The following ASCC3 variants were observed in gnomAD, a reference collection of about 807,000 sequenced individuals.
The protein encoded by ASCC3 is activating signal cointegrator 1 complex subunit 3, also known as ASC-1 complex subunit P200.
Under a neutral mutation model 256.3 loss-of-function variants are expected in ASCC3, and 158 were observed. That is an observed-to-expected ratio of 0.62 (90% CI 0.54 to 0.70). The LOEUF (loss-of-function observed/expected upper bound fraction) is 0.70, where lower values mean the gene tolerates loss of function less well. ASCC3 is among the 30% of genes least tolerant of loss of function. The probability of loss-of-function intolerance (pLI) is 0.00; values close to 1 mark genes in which losing one functional copy is unlikely to be tolerated. For missense variants in ASCC3, 2,259 were observed against 2,626.0 expected (o/e 0.86, Z 3.05); for synonymous variants, 948 against 883.4 (o/e 1.07, Z -1.30).
At chr6:100,868,664 G>T (rs72951125) in intron 1 of ASCC3, among the ~76,000 whole-genome samples, 137 of 152,304 alleles carry the variant, frequency 9.0e-4, no homozygotes, top group African/African-American at 2.6e-3. Context: ...ATGACAGAAA[G>T]ATCTCTATTT....
At chr6:100,853,081 G>C (rs1023290466) in intron 3 of ASCC3, among the ~76,000 whole-genome samples, 1 of 151,648 alleles carries the variant, frequency 6.6e-6, no homozygotes, top group Non-Finnish European at 1.5e-5. Flanking sequence ...CTGGCTGACT[G>C]GTGCGCTTTT....
chr6:100,805,842 A>G lies in ASCC3; in HGVS notation c.840T>C (p.Ile280=). The change falls in exon 5 of 42, where the codon ATT becomes ATC. Residue 280 remains isoleucine, a synonymous_variant. Coordinates refer to ENST00000369162, the MANE Select transcript of ASCC3 (RefSeq NM_006828.4). ...TAATTCTGTTCTGGAGGAGTTTCTCAATAAGTTCAAGTCCTTCAGGTCCCA... is the reference window on the plus strand; with the variant it reads ...TAATTCTGTTCTGGAGGAGTTTCTCGATAAGTTCAAGTCCTTCAGGTCCCA... ...ELLGPEGLEL[I]EKLLQNRITI... The G allele has an allele frequency of 6.2e-7, 1 of 1,611,594 alleles. No homozygotes were observed. Among genetic ancestry groups the G allele is most frequent in the Admixed American group, 1.7e-5 (1 of 59,766 alleles).
intron 10 of ASCC3, among the ~76,000 whole-genome samples, chr6:100,733,817 G>A (rs1273777180): frequency 6.6e-6 from 1 of 152,152 alleles, no homozygotes. Flanking sequence ...AGTTTGTAAA[G>A]CATTCAAATC....
At chr6:100,628,076 C>G in intron 27 of ASCC3, 89 bp from the exon 28 acceptor site, 1 of 1,285,080 alleles carries the variant, frequency 7.8e-7, no homozygotes, top group Non-Finnish European at 1.1e-6. Context: ...TTGTAGCTTC[C>G]TCAAAAAACA....
chr6:100,733,186 T>G (rs924310669), intron 10 of ASCC3, among the ~76,000 whole-genome samples: 2 of 152,142 alleles, frequency 1.3e-5, no homozygotes, highest in Admixed American at 6.5e-5. Context: ...AAAGAGAACC[T>G]CAATAAAAGT....
At chr6:100,869,268 G>A (rs1222788464) in intron 1 of ASCC3, among the ~76,000 whole-genome samples, 6 of 152,168 alleles carry the variant, frequency 3.9e-5, no homozygotes, top group Admixed American at 6.5e-5. Flanking sequence ...AATGTCCAAC[G>A]TGGGAAGGAA....
At chr6:100,782,522 T>TCG in intron 8 of ASCC3, among the ~76,000 whole-genome samples, 1 of 152,320 alleles carries the variant, frequency 6.6e-6, no homozygotes, top group Non-Finnish European at 1.5e-5. Flanking sequence ...CCTATTACCT[T>TCG]CGGCCTATCT....
chr6:100,686,438 C>CA (rs995756319), intron 13 of ASCC3, among the ~76,000 whole-genome samples: 6 of 152,138 alleles, frequency 3.9e-5, no homozygotes, highest in Non-Finnish European at 8.8e-5. Context: ...TAAACAACTA[C>CA]AAATTCACAA....
chr6:100,559,711 G>A (rs754247949), intron 36 of ASCC3, among the ~76,000 whole-genome samples: 1 of 151,932 alleles, frequency 6.6e-6, no homozygotes, highest in East Asian at 1.9e-4. Flanking sequence ...CTATCTGGAC[G>A]TGGTGGTGCC....
intron 4 of ASCC3, among the ~76,000 whole-genome samples, chr6:100,831,369 T>C (rs1379656624): frequency 6.6e-6 from 1 of 150,638 alleles, no homozygotes; most frequent in African/African-American, 2.4e-5. Flanking sequence ...ACACTTGAAC[T>C]TAAAAATAAG....
intron 25 of ASCC3, among the ~76,000 whole-genome samples, chr6:100,632,361 G>A (rs1774598754): frequency 6.6e-6 from 1 of 151,852 alleles, no homozygotes; most frequent in African/African-American, 2.4e-5. Context: ...ATCATGGACT[G>A]GAATAATTAA....
chr6:100,858,583 ATTACT>A (rs1375244388), intron 3 of ASCC3: 1 of 985,844 alleles, frequency 1.0e-6, no homozygotes, highest in Non-Finnish European at 1.2e-6. Context: ...TTAAACCTTT[ATTACT>A]TTACAACAAA....
At chr6:100,750,783 CAGGTAAAATCTGTAGTACAGATTTTAGT>C (rs1048407440) in intron 10 of ASCC3, among the ~76,000 whole-genome samples, 13 of 151,936 alleles carry the variant, frequency 8.6e-5, no homozygotes, top group African/African-American at 3.1e-4. Context: ...CAGCATGCCA[CAGGTAAAATCTGTAGTACAGATTTTAGT>C]AGGTAAAACC....
intron 4 of ASCC3, among the ~76,000 whole-genome samples, chr6:100,838,463 G>A (rs1032353593): frequency 1.3e-5 from 2 of 151,980 alleles, no homozygotes; most frequent in Non-Finnish European, 2.9e-5. Flanking sequence ...AAATGACCAT[G>A]AAAATTATGA....
intron 1 of ASCC3, among the ~76,000 whole-genome samples, chr6:100,875,590 G>A (rs566632267): frequency 9.9e-5 from 15 of 152,222 alleles, no homozygotes; most frequent in Non-Finnish European, 1.8e-4. Flanking sequence ...AAAGCTGCAT[G>A]AATGCCCATT....
At chr6:100,733,806 G>A (rs1433053883) in intron 10 of ASCC3, among the ~76,000 whole-genome samples, 1 of 152,138 alleles carries the variant, frequency 6.6e-6, no homozygotes, top group Non-Finnish European at 1.5e-5. Context: ...GAAAATGCAT[G>A]AGTTTGTAAA....
intron 30 of ASCC3, among the ~76,000 whole-genome samples, chr6:100,615,191 T>C (rs528486920): frequency 2.6e-5 from 4 of 152,224 alleles, no homozygotes; most frequent in African/African-American, 4.8e-5. Context: ...CAGGCTTGTC[T>C]TGAAATCCTG....
At chr6:100,581,557 TC>T (rs1256216656) in intron 36 of ASCC3, among the ~76,000 whole-genome samples, 1 of 150,794 alleles carries the variant, frequency 6.6e-6, no homozygotes, top group Non-Finnish European at 1.5e-5. Flanking sequence ...GATGGTAGTT[TC>T]TTTTGCTGTG....
intron 13 of ASCC3, among the ~76,000 whole-genome samples, chr6:100,712,414 C>T (rs1204195960): frequency 1.3e-5 from 2 of 151,960 alleles, no homozygotes; most frequent in Admixed American, 6.6e-5. Flanking sequence ...CTCTTAAAAC[C>T]CAACAATAAG....
Sources: allele counts gnomAD v4.1 joint callset (sites outside exome capture counted in the v4.1 genomes callset), GRCh38; gene constraint gnomAD v4.1.1; transcripts MANE v1.5; gene names NCBI Gene and HGNC (gene_info 2026-07-23, HGNC 2026-07-21).